Variants in ESPL1 observed in about 807,000 individuals in gnomAD.
ESPL1 encodes extra spindle pole bodies like 1, separase.
A neutral mutation model predicts 217.2 loss-of-function variants in ESPL1; 50 were observed. The observed-to-expected ratio is 0.23, with a 90% CI of 0.18 to 0.29. The LOEUF is 0.29. ESPL1 is among the 10% of genes least tolerant of loss of function. The probability of loss-of-function intolerance (pLI) is 1.00; values close to 1 mark genes in which losing one functional copy is unlikely to be tolerated. For synonymous variants in ESPL1, 994 were observed against 1,081.3 expected (o/e 0.92, Z 1.58); for missense variants, 1,834 against 2,603.0 (o/e 0.70, Z 6.43).
intron 17 of ESPL1, among the ~76,000 whole-genome samples, chr12:53,285,374 T>A (rs1208655871): frequency 2.0e-5 from 3 of 152,224 alleles, no homozygotes; most frequent in Non-Finnish European, 2.9e-5. Flanking sequence ...GGGGCCAGCC[T>A]GCTTTTCTCA....
intron 6 of ESPL1, among the ~76,000 whole-genome samples, chr12:53,273,667 G>A (rs918186264): frequency 1.3e-5 from 2 of 150,816 alleles, no homozygotes; most frequent in African/African-American, 4.9e-5. Context: ...GCTGAGGCAG[G>A]AGAATTGCCT....
Position 53,289,495 on chromosome 12 carries a change from C to T in ESPL1, c.5014C>T (p.Arg1672Cys), listed in dbSNP as rs765613239. The change falls in exon 22 of 31, where the codon CGC (arginine) becomes TGC (cysteine). Residue 1672 changes from arginine to cysteine, a missense_variant. Physicochemically the swap from Arg to Cys is radical, Grantham distance 180. This residue lies in a region of ESPL1 where 681 missense variants were observed against 808.0 expected (regional missense o/e 0.84). Coordinates refer to ENST00000257934, the MANE Select transcript of ESPL1 (RefSeq NM_012291.5). Reference sequence around the variant, plus strand: ...GATGCCTGGAGATGTCCCCCTGGCCCGCATCCAGCGCCTCTTTTCCTTCAG... The same window carrying T: ...GATGCCTGGAGATGTCCCCCTGGCCTGCATCCAGCGCCTCTTTTCCTTCAG... ...QEMPGDVPLA[R>C]IQRLFSFRAL... 5 of 1,614,038 alleles carry T rather than the reference C, an allele frequency of 3.1e-6. No individual in the cohort carries two copies. Among genetic ancestry groups the T allele is most frequent in the African/African-American group, 1.3e-5 (1 of 74,934 alleles).
chr12:53,283,361 G>A (rs1435926874), intron 15 of ESPL1, 21 bp from the exon 16 acceptor site: 2 of 1,613,704 alleles, frequency 1.2e-6, no homozygotes, highest in Non-Finnish European at 1.7e-6. Flanking sequence ...AGTGATGGTG[G>A]TCTTGTCTCT....
chr12:53,289,223 T>C lies in ESPL1; in HGVS notation c.4842T>C (p.Tyr1614=), dbSNP rs1205894801. The C allele has an allele frequency of 1.2e-6, 2 of 1,613,466 alleles. No individual in the cohort carries two copies. Among genetic ancestry groups the C allele is most frequent in the Non-Finnish European group, 1.7e-6 (2 of 1,180,036 alleles). ...LALCLGHRDP[Y]ATAFLVTESV... ...TGTGCCTGGGCCACCGGGATCCTTA[T>C]GCCACTGCTTTCCTTGTCACCGAGT... The change falls in exon 21 of 31, where the codon TAT becomes TAC. Residue 1614 remains tyrosine, a synonymous_variant. Transcript: ENST00000257934.
At chr12:53,275,175 G>A (rs1329822858) in intron 7 of ESPL1, among the ~76,000 whole-genome samples, 165 bp downstream of exon 7, 6 of 152,148 alleles carry the variant, frequency 3.9e-5, no homozygotes, top group African/African-American at 1.4e-4. Context: ...GCCGTGCACA[G>A]TGGCTCACAC....
chr12:53,273,922 C>T (rs1210298135), intron 6 of ESPL1, among the ~76,000 whole-genome samples: 2 of 120,354 alleles, frequency 1.7e-5, no homozygotes, highest in Non-Finnish European at 3.2e-5. Flanking sequence ...GTGGCACGAT[C>T]TCGGCTCACT....
In ESPL1 at chr12:53,289,422, A is replaced by C. The variant is rs1227976605; in HGVS notation, c.4941A>C (p.Arg1647=). 5.0e-6 allele frequency: 8 copies of C among 1,613,908 alleles called. No homozygotes were observed. The South Asian group carries it at 8.8e-5, about 18-fold the overall frequency. ...HRQLSKAQKH[R]GSLEIADQLQ... is the part of the protein sequence containing the mutation. ...CTTGCAGCAAGGCCCAGAAGCACCG[A>C]GGATCACTTGAAATAGCAGACCAGC... Residue 1647 remains arginine (R), a synonymous_variant, in exon 22 of 31, where the codon CGA becomes CGC. Transcript: ENST00000257934.
intron 12 of ESPL1, among the ~76,000 whole-genome samples, chr12:53,280,179 C>G (rs1273732501): frequency 6.6e-6 from 1 of 152,188 alleles, no homozygotes; most frequent in African/African-American, 2.4e-5. Flanking sequence ...ACAGTGTCTC[C>G]TGGTTGGTCT....
At position 53,293,395 on chromosome 12, in the gene ESPL1, A is replaced by G. The variant is rs765850996; in HGVS notation, c.6284A>G (p.Gln2095Arg). 1.2e-6 allele frequency: 2 copies of G among 1,613,998 alleles called. No individual in the cohort carries two copies. The highest frequency in any genetic ancestry group is 2.7e-5 in the African/African-American group (2 of 74,894). The change falls in exon 31 of 31, where the codon CAG becomes CGG. Residue 2095 changes from glutamine to arginine, a missense_variant. By Grantham distance (43) the Gln-to-Arg change is conservative. Around this residue, in one of 5 missense-constraint regions of ESPL1, gnomAD observed 295 missense variants for 519.8 expected, o/e 0.57. Coordinates refer to ENST00000257934, the MANE Select transcript of ESPL1 (RefSeq NM_012291.5). This position sits in a 1 kb window ranked among gnomAD's most constrained non-coding sequence, Gnocchi z 4.2. Reference sequence around the variant, plus strand: ...GCCCCCCTTCTCTACTATGTAAACCAGGCCCGCCAAGCTCCCCGACTCAAG... The same window carrying G: ...GCCCCCCTTCTCTACTATGTAAACCGGGCCCGCCAAGCTCCCCGACTCAAG... ...PGAPLLYYVN[Q>R]ARQAPRLKYL...
chr12:53,286,505 C>G lies in ESPL1; in HGVS notation c.3769C>G (p.Arg1257Gly), dbSNP rs376592855. 1.2e-5 allele frequency: 19 copies of G among 1,614,218 alleles called. No individual in the cohort carries two copies. Among genetic ancestry groups the G allele is most frequent in the Non-Finnish European group, 1.6e-5 (19 of 1,180,044 alleles). ...LQSGLKFVAA[R>G]IPHLEPWRAS... ...GTCAGGGCTGAAGTTTGTAGCAGCA[C>G]GGATACCCCACCTAGAGCCCTGGCG... Residue 1257 changes from arginine (R) to glycine (G), a missense_variant, in exon 18 of 31, where the codon CGG (arginine) becomes GGG (glycine). Physicochemically the swap from Arg to Gly is moderately radical, Grantham distance 125. Around this residue, in one of 5 missense-constraint regions of ESPL1, gnomAD observed 681 missense variants for 808.0 expected, o/e 0.84. Coordinates refer to ENST00000257934, the MANE Select transcript of ESPL1 (RefSeq NM_012291.5). The surrounding 1 kb of genome is among the most constrained non-coding windows in gnomAD (Gnocchi z 5.3).
At chr12:53,278,438 T>C (rs1943807781) in intron 11 of ESPL1, among the ~76,000 whole-genome samples, 1 of 150,234 alleles carries the variant, frequency 6.7e-6, no homozygotes, top group Admixed American at 6.6e-5. Context: ...ATCGCGCCAC[T>C]GCACTCCATC....
chr12:53,269,767 G>A lies in ESPL1; in HGVS notation c.825G>A (p.Val275=). 1 of 1,614,176 alleles carries A rather than the reference G, an allele frequency of 6.2e-7. No individual in the cohort carries two copies. The highest frequency in any genetic ancestry group is 1.1e-5 in the South Asian group (1 of 91,080). ...ACCATGACAAAGCCATCAGCGCAGT[G>A]GAGAAGGCTCACAGTTACCTAAGGA... ...SRHHDKAISA[V]EKAHSYLRNT... is the part of the protein sequence containing the mutation. The change falls in exon 3 of 31, where the codon GTG becomes GTA. Residue 275 remains valine (V), a synonymous_variant. Transcript: ENST00000257934. This position sits in a 1 kb window ranked among gnomAD's most constrained non-coding sequence, Gnocchi z 6.7.
rs137974152 is a variant in ESPL1, at chr12:53,281,527, A to G, written c.2520A>G (p.Ala840=). 3.1e-6 allele frequency: 5 copies of G among 1,613,808 alleles called. No individual in the cohort carries two copies. In the Admixed American group the frequency reaches 6.7e-5, roughly 22 times the overall value. Residue 840 remains alanine (A), a synonymous_variant, in exon 13 of 31, where the codon GCA becomes GCG. Transcript: ENST00000257934. The part of the protein sequence containing the change: ...SYAQLHLEEA[A]SSLKHLDQTT... ...CTTAGTTACACCTGGAAGAGGCAGC[A>G]TCGAGCCTGAAGCATCTCGATCAGA...
Position 53,290,471 on chromosome 12 carries a change from T to C in ESPL1, c.5364+2T>C. 6.2e-7 allele frequency: 1 copy of C among 1,611,766 alleles called. No homozygotes were observed. The highest frequency in any genetic ancestry group is 1.1e-5 in the South Asian group (1 of 90,482). On this transcript the variant is annotated splice_donor_variant, in intron 24 of 30. Transcript: ENST00000257934. LOFTEE classifies it high-confidence loss of function. The stretch of plus-strand genomic sequence containing the variant: ...CTGGCACTGGACCACAGGATGGAGG[T>C]GTGTGCTTCTGGGGTGGGGTCAGGC...
chr12:53,269,771 A>G lies in ESPL1; in HGVS notation c.829A>G (p.Lys277Glu). 6.2e-7 allele frequency: 1 copy of G among 1,614,064 alleles called. No homozygotes were observed. Among genetic ancestry groups the G allele is most frequent in the East Asian group, 2.2e-5 (1 of 44,878 alleles). The change falls in exon 3 of 31, where the codon AAG becomes GAG. Residue 277 changes from lysine (K) to glutamate (E), a missense_variant. This residue lies in a region of ESPL1 where 746 missense variants were observed against 1,077.0 expected (regional missense o/e 0.69). Coordinates refer to ENST00000257934, the MANE Select transcript of ESPL1 (RefSeq NM_012291.5). The surrounding 1 kb of genome is among the most constrained non-coding windows in gnomAD (Gnocchi z 6.7). ...TGACAAAGCCATCAGCGCAGTGGAG[A>G]AGGCTCACAGTTACCTAAGGAACAC... ...HHDKAISAVE[K>E]AHSYLRNTNL...
chr12:53,274,783 T>C, intron 6 of ESPL1, 34 bp from the exon 7 acceptor site: 1 of 1,557,788 alleles, frequency 6.4e-7, no homozygotes. Flanking sequence ...CACTGGTTCC[T>C]CTCCAGTTTG....
In ESPL1 at chr12:53,292,258, C is replaced by T. The variant is rs1452489325; in HGVS notation, c.5797-20C>T. 6.4e-7 allele frequency: 1 copy of T among 1,569,482 alleles called. No individual in the cohort carries two copies. Among genetic ancestry groups the T allele is most frequent in the South Asian group, 1.1e-5 (1 of 90,130 alleles). ...CTCTTGGTGAGACAAGCATCCTAAT[C>T]GCCAGTGTCTCCTCCTCAGTATGGG... On this transcript the variant is annotated intron_variant, in intron 27 of 30. Transcript: ENST00000257934. This position sits in a 1 kb window ranked among gnomAD's most constrained non-coding sequence, Gnocchi z 4.5.
Position 53,269,256 on chromosome 12 carries a change from T to C in ESPL1, c.314T>C (p.Leu105Pro). The C allele has an allele frequency of 6.2e-7, 1 of 1,614,222 alleles. No individual in the cohort carries two copies. Among genetic ancestry groups the C allele is most frequent in the Non-Finnish European group, 8.5e-7 (1 of 1,180,028 alleles). Residue 105 changes from leucine to proline, a missense_variant, in exon 3 of 31, where the codon CTG (leucine) becomes CCG (proline). Leu to Pro is a moderately conservative substitution (Grantham distance 98). Transcript: ENST00000257934. This position sits in a 1 kb window ranked among gnomAD's most constrained non-coding sequence, Gnocchi z 6.7. ...CTGGAACGAATTCTCTTTGTCTTAC[T>C]GCGGAATGCTGCTGCACAAGGAAGC... is the stretch of plus-strand genomic sequence containing the variant. Reference protein sequence around the residue: ...LYLERILFVLLRNAAAQGSPE... With the variant: ...LYLERILFVLPRNAAAQGSPE...
Position 53,282,567 on chromosome 12 carries a change from C to A in ESPL1, c.2791+132C>A. The A allele has an allele frequency of 1.3e-6, 1 of 762,798 alleles. No individual in the cohort carries two copies. 47.3% of individuals were successfully genotyped at this position (762,798 alleles called of 1,614,324 possible). On this transcript the variant is annotated intron_variant, in intron 14 of 30. Coordinates refer to ENST00000257934, the MANE Select transcript of ESPL1 (RefSeq NM_012291.5). This position sits in a 1 kb window ranked among gnomAD's most constrained non-coding sequence, Gnocchi z 4.0. ...CTACCTAGAACCTGCACAGAGTAGGCCTGGGATAGCAGATGGGTTTCAGTT... is the reference window on the plus strand; with the variant it reads ...CTACCTAGAACCTGCACAGAGTAGGACTGGGATAGCAGATGGGTTTCAGTT...
Sources: allele counts gnomAD v4.1 joint callset (sites outside exome capture counted in the v4.1 genomes callset), GRCh38; gene constraint gnomAD v4.1.1; regional missense constraint gnomAD v4.1.1; non-coding constraint Gnocchi (gnomAD v3.1); transcripts MANE v1.5; gene names NCBI Gene and HGNC (gene_info 2026-07-23, HGNC 2026-07-21).